ADAMTSL1: variants seen among roughly 807,000 people sequenced by gnomAD.
ADAMTSL1 encodes ADAMTS like 1.
In ADAMTSL1, 126 loss-of-function variants were observed where a neutral mutation model predicts 201.8. That is an observed-to-expected ratio of 0.62 (90% CI 0.54 to 0.72). The LOEUF (loss-of-function observed/expected upper bound fraction) is 0.72. Ranked by LOEUF, ADAMTSL1 falls within the 30% of genes least tolerant of loss-of-function variation. ADAMTSL1 has a pLI of 0.00. For missense variants in ADAMTSL1, 2,679 were observed against 2,277.8 expected, an observed-to-expected ratio of 1.18 and a Z score of -3.59; for synonymous variants, 1,121 against 903.4, an observed-to-expected ratio of 1.24 and a Z score of -4.32.
At chr9:17,989,861 T>C (rs764995439) in intron 1 of ADAMTSL1, among the ~76,000 whole-genome samples, 16 of 151,836 alleles carry the variant, frequency 1.1e-4, no homozygotes, top group Non-Finnish European at 2.1e-4. Flanking sequence ...AAAGGTCTTC[T>C]AAGTCTTCAA....
At position 18,135,753 on chromosome 9, in the gene ADAMTSL1, A is replaced by C. The variant is rs1826132236; in HGVS notation, c.88-28109A>C. Among the ~76,000 whole-genome samples, 5 of 152,184 alleles carry C rather than the reference A, an allele frequency of 3.3e-5. No homozygotes were observed. In the South Asian group the frequency reaches 8.3e-4, roughly 25 times the overall value. ...CTATATGTATACCTTGTATATACAC[A>C]TATACACACACCACCTAAGATGCCT... On this transcript the variant is annotated intron_variant, in intron 1 of 29. Coordinates refer to the ADAMTSL1 transcript ENST00000680146.
intron 1 of ADAMTSL1, among the ~76,000 whole-genome samples, chr9:18,110,324 A>T (rs193276758): frequency 6.6e-6 from 1 of 152,150 alleles, no homozygotes; most frequent in East Asian, 1.9e-4. Context: ...TTGCTTCCTC[A>T]AAAAGGAACT....
At chr9:18,188,867 T>C (rs916091818) in intron 2 of ADAMTSL1, among the ~76,000 whole-genome samples, 1 of 152,230 alleles carries the variant, frequency 6.6e-6, no homozygotes, top group Non-Finnish European at 1.5e-5. Context: ...TAAGGGCTGT[T>C]GGCATCGTTT....
intron 20 of ADAMTSL1, among the ~76,000 whole-genome samples, chr9:18,809,454 T>C (rs1823368301): frequency 6.6e-6 from 1 of 152,124 alleles, no homozygotes; most frequent in African/African-American, 2.4e-5. Flanking sequence ...GTAGGTGATA[T>C]AGACCACTGG....
chr9:18,165,343 A>G (rs1659308710), intron 2 of ADAMTSL1, among the ~76,000 whole-genome samples: 1 of 151,970 alleles, frequency 6.6e-6, no homozygotes, highest in African/African-American at 2.4e-5. Flanking sequence ...CATTTATGCC[A>G]TAAAGGAAAT....
chr9:18,465,678 T>G (rs1040479531), intron 2 of ADAMTSL1, among the ~76,000 whole-genome samples: 17 of 152,214 alleles, frequency 1.1e-4, no homozygotes, highest in Admixed American at 5.2e-4. Context: ...CCATGTATGT[T>G]TGTACCAAAG....
chr9:18,051,163 T>G (rs1462661471), intron 1 of ADAMTSL1, among the ~76,000 whole-genome samples: 1 of 151,992 alleles, frequency 6.6e-6, no homozygotes, highest in East Asian at 1.9e-4. Context: ...TAGCCGGGTG[T>G]GGTGGCGGGC....
intron 1 of ADAMTSL1, among the ~76,000 whole-genome samples, chr9:18,127,421 T>A (rs923465298): frequency 2.0e-5 from 3 of 151,028 alleles, no homozygotes; most frequent in African/African-American, 7.3e-5. Context: ...TAATGAGAAT[T>A]TTTAACAAAT....
At chr9:17,922,543 C>T (rs1340265429) in intron 1 of ADAMTSL1, among the ~76,000 whole-genome samples, 2 of 152,134 alleles carry the variant, frequency 1.3e-5, no homozygotes, top group Admixed American at 6.6e-5. Flanking sequence ...ACCCTTCCCC[C>T]TCACCCACAT....
intron 21 of ADAMTSL1, among the ~76,000 whole-genome samples, chr9:18,820,655 T>C (rs900385797): frequency 6.6e-6 from 1 of 152,244 alleles, no homozygotes; most frequent in African/African-American, 2.4e-5. Context: ...TGTTAGCAGT[T>C]TTTCATTAAA....
intron 1 of ADAMTSL1, among the ~76,000 whole-genome samples, chr9:18,496,579 A>T (rs886588525): frequency 1.3e-5 from 2 of 152,234 alleles, no homozygotes; most frequent in African/African-American, 4.8e-5. Flanking sequence ...AGTGACATGA[A>T]GTTAGCTAGT....
At chr9:18,325,024 C>G (rs992670573) in intron 2 of ADAMTSL1, among the ~76,000 whole-genome samples, 1 of 151,988 alleles carries the variant, frequency 6.6e-6, no homozygotes, top group Non-Finnish European at 1.5e-5. Flanking sequence ...CAGGAAAATG[C>G]AAATTATAAT....
chr9:18,156,196 A>T (rs1468154494), intron 1 of ADAMTSL1, among the ~76,000 whole-genome samples: 1 of 151,990 alleles, frequency 6.6e-6, no homozygotes, highest in Non-Finnish European at 1.5e-5. Flanking sequence ...AGTGCAAACA[A>T]CGAGGTGGGT....
upstream of ADAMTSL1, among the ~76,000 whole-genome samples, chr9:18,473,108 C>A (rs541424709): frequency 6.6e-5 from 10 of 152,252 alleles, no homozygotes; most frequent in South Asian, 1.2e-3. Context: ...CCCATCCAAC[C>A]CTCTTGCAAT....
At chr9:18,204,276 C>G (rs1228405280) in intron 2 of ADAMTSL1, among the ~76,000 whole-genome samples, 1 of 151,888 alleles carries the variant, frequency 6.6e-6, no homozygotes, top group Non-Finnish European at 1.5e-5. Context: ...ATGCTGTTCT[C>G]CTGATAGTGA....
intron 4 of ADAMTSL1, among the ~76,000 whole-genome samples, chr9:18,604,785 A>C (rs1248115192): frequency 6.6e-6 from 1 of 152,192 alleles, no homozygotes. Flanking sequence ...CAAAAGTAGC[A>C]TTACAGAATC....
At chr9:18,085,717 G>A (rs191824770) in intron 1 of ADAMTSL1, among the ~76,000 whole-genome samples, 140 of 150,044 alleles carry the variant, frequency 9.3e-4, no homozygotes, top group South Asian at 9.0e-3. Context: ...TACTGTGTGT[G>A]TATATATATA....
chr9:18,751,173 T>A (rs1819449576), intron 15 of ADAMTSL1, among the ~76,000 whole-genome samples: 1 of 152,230 alleles, frequency 6.6e-6, no homozygotes, highest in Non-Finnish European at 1.5e-5. Flanking sequence ...GTTTTAAAGC[T>A]TATAATTAAC....
At chr9:18,891,690 C>T (rs1298509566) in intron 25 of ADAMTSL1, among the ~76,000 whole-genome samples, 1 of 152,208 alleles carries the variant, frequency 6.6e-6, no homozygotes, top group Non-Finnish European at 1.5e-5. Context: ...TTACCTGTTT[C>T]TGAGAGATTG....
Sources: gnomAD v4.1 joint callset for allele counts (sites outside exome capture counted in the v4.1 genomes callset) on GRCh38, gnomAD v4.1.1 for gene constraint, MANE v1.5 for transcripts, NCBI Gene and HGNC (gene_info 2026-07-23, HGNC 2026-07-21) for gene names.